Variants in GRID2 observed in about 807,000 individuals in gnomAD.
The protein encoded by GRID2 is glutamate receptor ionotropic, delta-2.
A neutral mutation model predicts 114.8 loss-of-function variants in GRID2; 33 were observed. That is an observed-to-expected ratio of 0.29 (90% confidence interval 0.22 to 0.38). The LOEUF (loss-of-function observed/expected upper bound fraction) is 0.38, where lower values mean the gene tolerates loss of function less well. Ranked by LOEUF, GRID2 falls within the 10% of genes least tolerant of loss-of-function variation. The pLI is 1.00. For synonymous variants in GRID2, 505 were observed against 449.9 expected, an observed-to-expected ratio of 1.12 and a Z score of -1.55; for missense variants, 1,184 against 1,257.7, an observed-to-expected ratio of 0.94 and a Z score of 0.89.
chr4:93,408,085 C>T (rs899539358), intron 9 of GRID2, among the ~76,000 whole-genome samples: 4 of 151,932 alleles, frequency 2.6e-5, no homozygotes, highest in East Asian at 1.9e-4. Flanking sequence ...GTATTGAGGC[C>T]GAGTAGTCTG....
At chr4:92,933,869 T>A (rs1750429480) in intron 2 of GRID2, among the ~76,000 whole-genome samples, 1 of 151,698 alleles carries the variant, frequency 6.6e-6, no homozygotes, top group African/African-American at 2.4e-5. Context: ...TTGTATATCT[T>A]CTTAGATTCA....
intron 4 of GRID2, among the ~76,000 whole-genome samples, chr4:93,164,159 G>T (rs1038545862): frequency 1.3e-5 from 2 of 151,192 alleles, no homozygotes; most frequent in African/African-American, 4.9e-5. Flanking sequence ...GCCCGGGGGG[G>T]GAAAAAAAAG....
At chr4:92,499,288 C>G (rs953336390) in intron 1 of GRID2, among the ~76,000 whole-genome samples, 1 of 152,002 alleles carries the variant, frequency 6.6e-6, no homozygotes, top group Non-Finnish European at 1.5e-5. Flanking sequence ...CCTGCCCTAC[C>G]AAAACTTTGA....
At chr4:92,584,788 A>C (rs1728347268) in intron 1 of GRID2, among the ~76,000 whole-genome samples, 1 of 152,066 alleles carries the variant, frequency 6.6e-6, no homozygotes, top group Admixed American at 6.6e-5. Context: ...AAAGTGAAAA[A>C]AGCATAAAAT....
chr4:93,668,199 T>C (rs2149747767), intron 14 of GRID2, among the ~76,000 whole-genome samples: 1 of 152,058 alleles, frequency 6.6e-6, no homozygotes, highest in African/African-American at 2.4e-5. Flanking sequence ...GCATTACACA[T>C]TTCTCTGTCT....
At chr4:92,996,949 G>T (rs1223707452) in intron 2 of GRID2, among the ~76,000 whole-genome samples, 2 of 152,012 alleles carry the variant, frequency 1.3e-5, no homozygotes, top group Non-Finnish European at 2.9e-5. Context: ...TAACAAATAT[G>T]GCTATTTAAA....
chr4:92,565,878 T>C (rs1180771662), intron 1 of GRID2, among the ~76,000 whole-genome samples: 1 of 152,064 alleles, frequency 6.6e-6, no homozygotes, highest in African/African-American at 2.4e-5. Context: ...AACTTAGCAA[T>C]TTAAAACAGC....
At chr4:92,461,030 A>C (rs1490031443) in intron 1 of GRID2, among the ~76,000 whole-genome samples, 5 of 151,416 alleles carry the variant, frequency 3.3e-5, no homozygotes, top group Non-Finnish European at 5.9e-5. Context: ...TTTTTCCATA[A>C]ATTTCTGTCT....
intron 2 of GRID2, among the ~76,000 whole-genome samples, chr4:92,916,202 T>A (rs545033703): frequency 6.6e-6 from 1 of 152,274 alleles, no homozygotes; most frequent in South Asian, 2.1e-4. Context: ...TAGTGTTGTG[T>A]TTTACATTTA....
intron 2 of GRID2, among the ~76,000 whole-genome samples, chr4:92,673,178 T>C (rs983748674): frequency 1.3e-5 from 2 of 152,052 alleles, no homozygotes; most frequent in African/African-American, 4.8e-5. Flanking sequence ...TGTATCTTTA[T>C]TTTATATATA....
chr4:93,382,773 T>A (rs1763979329), intron 8 of GRID2, among the ~76,000 whole-genome samples: 1 of 152,026 alleles, frequency 6.6e-6, no homozygotes, highest in African/African-American at 2.4e-5. Context: ...AAATGAGCCA[T>A]TCTTTCCTGT....
chr4:93,672,286 C>A (rs1450271091), intron 14 of GRID2, among the ~76,000 whole-genome samples: 1 of 152,224 alleles, frequency 6.6e-6, no homozygotes, highest in African/African-American at 2.4e-5. Context: ...AACCCCCCCA[C>A]CACAGATGTA....
chr4:92,717,210 C>T (rs186262334), intron 2 of GRID2, among the ~76,000 whole-genome samples: 166 of 152,238 alleles, frequency 1.1e-3, no homozygotes, highest in African/African-American at 3.9e-3. Context: ...GAAAATCTTA[C>T]GTACTTTTCT....
chr4:93,527,265 C>A (rs530255362), intron 13 of GRID2, among the ~76,000 whole-genome samples: 54 of 152,282 alleles, frequency 3.5e-4, no homozygotes, highest in African/African-American at 1.3e-3. Flanking sequence ...TTCCTCCTTT[C>A]TTGTTAAATA....
intron 11 of GRID2, among the ~76,000 whole-genome samples, chr4:93,462,765 C>G (rs17020639): frequency 0.075 from 11,423 of 152,062 alleles, 1,061 homozygotes; most frequent in African/African-American, 0.22. Flanking sequence ...TACCAATGTC[C>G]TATTTACAAA....
intron 4 of GRID2, among the ~76,000 whole-genome samples, chr4:93,143,173 C>A (rs560465554): frequency 6.6e-6 from 1 of 152,190 alleles, no homozygotes; most frequent in Non-Finnish European, 1.5e-5. Flanking sequence ...ATTTTCTTAT[C>A]AGATTGCATT....
rs141351682 is a variant in GRID2, at chr4:92,756,328, T to C, written c.244+166042T>C. Among the ~76,000 whole-genome samples the C allele has an allele frequency of 3.4e-3, 519 of 152,312 alleles. 3 individuals are homozygous for C. The highest frequency in any genetic ancestry group is 0.012 in the African/African-American group (487 of 41,584). On this transcript the variant is annotated intron_variant, in intron 2 of 15. Transcript: ENST00000282020. ...ATTGTGTATACATACCACATTTTCC[T>C]TATCTTTTCATCTCTTGACGGACAC...
intron 8 of GRID2, among the ~76,000 whole-genome samples, chr4:93,332,889 G>T (rs941737928): frequency 1.3e-5 from 2 of 152,074 alleles, no homozygotes; most frequent in Non-Finnish European, 2.9e-5. Flanking sequence ...AGAAGGCTTT[G>T]CTTGAAACAG....
intron 8 of GRID2, among the ~76,000 whole-genome samples, chr4:93,387,778 C>A (rs577936960): frequency 1.4e-5 from 2 of 146,788 alleles, no homozygotes; most frequent in Admixed American, 6.9e-5. Context: ...CGAAGTGAGC[C>A]GAGATAATGC....
Sources: gnomAD v4.1 joint callset for allele counts (sites outside exome capture counted in the v4.1 genomes callset) on GRCh38, gnomAD v4.1.1 for gene constraint, MANE v1.5 for transcripts, NCBI Gene and HGNC (gene_info 2026-07-23, HGNC 2026-07-21) for gene names.